The following NTM variants were observed in gnomAD, a reference collection of about 807,000 sequenced individuals.
NTM encodes the protein neurotrimin.
A neutral mutation model predicts 42.1 loss-of-function variants in NTM; 13 were observed. The observed-to-expected ratio is 0.31, with a 90% CI of 0.20 to 0.49. The LOEUF (loss-of-function observed/expected upper bound fraction) is 0.49. Among genes scored for constraint, NTM ranks in the 20% least tolerant of loss-of-function variants. The pLI is 0.99. For synonymous variants in NTM, 187 were observed against 179.2 expected (o/e 1.04, Z -0.35); for missense variants, 373 against 452.8 (o/e 0.82, Z 1.60).
intron 5 of NTM, 22 bp downstream of exon 5, chr11:132,307,845 C>G: frequency 6.2e-7 from 1 of 1,611,064 alleles, no homozygotes; most frequent in East Asian, 2.2e-5. Context: ...CACCACCACG[C>G]GCCCTGCACG....
At chr11:131,391,743 G>C (rs113010245) in intron 1 of NTM, among the ~76,000 whole-genome samples, 1 of 151,736 alleles carries the variant, frequency 6.6e-6, no homozygotes, top group Admixed American at 6.6e-5. Context: ...CACCCTGTGC[G>C]GCTCATTTCT....
At chr11:132,137,331 T>C (rs531610953) in intron 2 of NTM, among the ~76,000 whole-genome samples, 40 of 152,310 alleles carry the variant, frequency 2.6e-4, no homozygotes, top group South Asian at 1.9e-3. Flanking sequence ...TCGCAGCTCC[T>C]TCCCTGCCAA....
intron 1 of NTM, chr11:131,671,390 T>G: frequency 1.0e-6 from 1 of 981,326 alleles, no homozygotes; most frequent in Non-Finnish European, 1.2e-6. Flanking sequence ...GTCTCCATCC[T>G]TCTACATTAC....
At chr11:131,415,298 G>A (rs1406521857) in intron 1 of NTM, among the ~76,000 whole-genome samples, 1 of 152,104 alleles carries the variant, frequency 6.6e-6, no homozygotes, top group Admixed American at 6.5e-5. Context: ...AAACTGGGTC[G>A]GCCTGATGCC....
chr11:132,139,982 A>G (rs2068758492), intron 2 of NTM, among the ~76,000 whole-genome samples: 1 of 152,252 alleles, frequency 6.6e-6, no homozygotes, highest in Non-Finnish European at 1.5e-5. Flanking sequence ...AAAGCAGTAC[A>G]TGTTATAGAC....
At chr11:131,692,450 G>C in intron 1 of NTM, among the ~76,000 whole-genome samples, 1 of 152,260 alleles carries the variant, frequency 6.6e-6, no homozygotes, top group Middle Eastern at 3.2e-3. Context: ...TACCTCCCAT[G>C]CAGATCTCTG....
chr11:132,140,194 A>G (rs2068799774), intron 2 of NTM, among the ~76,000 whole-genome samples: 1 of 152,190 alleles, frequency 6.6e-6, no homozygotes, highest in Non-Finnish European at 1.5e-5. Flanking sequence ...CATTCCTTGT[A>G]GCAGTCAGAC....
At chr11:131,720,312 T>C (rs185354135) in intron 1 of NTM, among the ~76,000 whole-genome samples, 5 of 152,274 alleles carry the variant, frequency 3.3e-5, no homozygotes, top group Non-Finnish European at 7.4e-5. Flanking sequence ...TACAGTGTGT[T>C]TACGTTCGAA....
chr11:131,449,335 T>C (rs1318880416), intron 1 of NTM, among the ~76,000 whole-genome samples: 1 of 152,048 alleles, frequency 6.6e-6, no homozygotes, highest in Non-Finnish European at 1.5e-5. Context: ...CACAGGGGCA[T>C]GGAGGTGGGG....
At chr11:132,270,468 A>T (rs563740618) in intron 4 of NTM, among the ~76,000 whole-genome samples, 6 of 152,188 alleles carry the variant, frequency 3.9e-5, no homozygotes, top group Admixed American at 3.3e-4. Flanking sequence ...ACCTCAAGTG[A>T]TCAGCCGATC....
chr11:132,081,084 G>A (rs2058976468), intron 2 of NTM, among the ~76,000 whole-genome samples: 1 of 152,226 alleles, frequency 6.6e-6, no homozygotes, highest in South Asian at 2.1e-4. Flanking sequence ...GGCACAGGCT[G>A]TAAATGCTGT....
chr11:131,684,779 C>T (rs1238172050), intron 1 of NTM, among the ~76,000 whole-genome samples: 2 of 152,208 alleles, frequency 1.3e-5, no homozygotes, highest in South Asian at 2.1e-4. Flanking sequence ...GGAGATGACC[C>T]GTGCAAGATA....
chr11:131,476,945 C>T (rs1227173273), intron 1 of NTM, among the ~76,000 whole-genome samples: 1 of 152,104 alleles, frequency 6.6e-6, no homozygotes. Flanking sequence ...TTGGGCTATT[C>T]TTGTGGATGA....
intron 1 of NTM, among the ~76,000 whole-genome samples, chr11:131,568,328 GAGAA>G (rs2057103202): frequency 6.6e-6 from 1 of 152,156 alleles, no homozygotes; most frequent in South Asian, 2.1e-4. Flanking sequence ...CCATTCTACA[GAGAA>G]AGAAACTCAC....
intron 4 of NTM, chr11:132,306,539 G>A (rs1369373234): frequency 6.6e-6 from 1 of 152,162 alleles, no homozygotes; most frequent in Non-Finnish European, 1.5e-5. Flanking sequence ...TATATATGTA[G>A]GCATGTTTGT....
At chr11:132,209,407 A>ATG (rs374810871) in intron 3 of NTM, among the ~76,000 whole-genome samples, 22 of 149,846 alleles carry the variant, frequency 1.5e-4, no homozygotes, top group African/African-American at 4.2e-4. Flanking sequence ...GTGTATGTGT[A>ATG]TGTGTGTGTG....
chr11:132,119,837 G>C (rs1241630456), intron 2 of NTM, among the ~76,000 whole-genome samples: 1 of 152,260 alleles, frequency 6.6e-6, no homozygotes, highest in Non-Finnish European at 1.5e-5. Flanking sequence ...TCACACAGCA[G>C]AGCAGTGCCA....
At chr11:132,292,242 G>A (rs1373572600) in intron 4 of NTM, among the ~76,000 whole-genome samples, 2 of 152,236 alleles carry the variant, frequency 1.3e-5, no homozygotes, top group African/African-American at 4.8e-5. Context: ...GAATAGAAGT[G>A]AAGGGGTTGA....
At chr11:131,643,266 A>G (rs7948844) in intron 1 of NTM, among the ~76,000 whole-genome samples, 103,408 of 152,176 alleles carry the variant, frequency 0.68, 35,413 homozygotes, top group East Asian at 0.78. Context: ...TTCTATCAAC[A>G]GGAGACTCCT....
Sources: allele counts gnomAD v4.1 joint callset (sites outside exome capture counted in the v4.1 genomes callset), GRCh38; gene constraint gnomAD v4.1.1; transcripts MANE v1.5; gene names NCBI Gene and HGNC (gene_info 2026-07-23, HGNC 2026-07-21).